ZFP1: variants seen among roughly 807,000 people sequenced by gnomAD.
ZFP1 encodes the protein ZFP1 zinc finger protein, also known as zinc finger protein 1 homolog.
ZFP1 carries 32 observed loss-of-function variants against 38.5 expected under a neutral mutation model. The observed-to-expected ratio is 0.83, with a 90% CI of 0.63 to 1.12. The LOEUF (loss-of-function observed/expected upper bound fraction) is 1.12, where lower values mean the gene tolerates loss of function less well. Ranked by LOEUF, ZFP1 falls within the 50% of genes most tolerant of loss-of-function variation. ZFP1 has a pLI of 0.00. For synonymous variants in ZFP1, 245 were observed against 168.8 expected (o/e 1.45, Z -3.50); for missense variants, 616 against 480.8 (o/e 1.28, Z -2.63).
intron 2 of ZFP1, among the ~76,000 whole-genome samples, chr16:75,156,892 A>C (rs184735542): frequency 9.8e-5 from 15 of 152,348 alleles, no homozygotes; most frequent in Admixed American, 4.6e-4. Context: ...ACAGTTAAGA[A>C]TCTGGGCCAG....
At chr16:75,149,324 C>A (rs942018420) in intron 1 of ZFP1, 4 of 152,022 alleles carry the variant, frequency 2.6e-5, no homozygotes, top group Non-Finnish European at 5.9e-5. Flanking sequence ...GTAGATTTTG[C>A]CATGTATACG....
intron 2 of ZFP1, among the ~76,000 whole-genome samples, chr16:75,154,628 A>T (rs929506183): frequency 2.0e-5 from 3 of 150,112 alleles, no homozygotes; most frequent in African/African-American, 7.4e-5. Context: ...ATAGGCAAGA[A>T]AGAAAAGAGA....
At chr16:75,123,455 GTATATATATATATATATATATATA>G in the ZFP1 span, among the ~76,000 whole-genome samples, 66 of 87,234 alleles carry the variant, frequency 7.6e-4, 2 homozygotes, top group Middle Eastern at 6.6e-3. Context: ...GTGTGTATAT[GTATATATATATATATATATATATA>G]TATATATATA....
In ZFP1 at chr16:75,170,507, G is replaced by C. The variant is rs1306913971; in HGVS notation, c.*173G>C. ...GAACATTATACTGGAAGTTACATGT[G>C]ATACCCAGCTAAAGAATACATATCA... On this transcript the variant is annotated 3_prime_UTR_variant, in exon 4 of 4. Coordinates refer to ENST00000570010, the MANE Select transcript of ZFP1 (RefSeq NM_153688.4). 4.2e-6 allele frequency: 4 copies of C among 943,624 alleles called. No individual in the cohort carries two copies. The African/African-American group carries it at 4.9e-5, about 12-fold the overall frequency. The allele number at this position is 943,624 out of a possible 1,614,324, so 58.5% of individuals were successfully genotyped here.
At chr16:75,144,295 A>G (rs2036920715), upstream of ZFP1, 1 of 152,198 alleles carries the variant, frequency 6.6e-6, no homozygotes, top group Admixed American at 6.6e-5. Context: ...TTTTACAAAA[A>G]TAGGATTACG....
chr16:75,123,410 T>C, the ZFP1 span, among the ~76,000 whole-genome samples: 1 of 136,270 alleles, frequency 7.3e-6, no homozygotes, highest in African/African-American at 2.7e-5. Context: ...AATGTTTTCC[T>C]ACAAATATAT....
the ZFP1 span, among the ~76,000 whole-genome samples, chr16:75,122,303 C>T: frequency 6.6e-6 from 1 of 152,274 alleles, no homozygotes; most frequent in East Asian, 1.9e-4. Flanking sequence ...AGCAGGAGTA[C>T]CAGCCGGAGT....
In ZFP1 at chr16:75,161,775, T is replaced by TATATATATATATA. The variant is rs59261786; in HGVS notation, c.16-4995_16-4994insATATATATATATA. Among the ~76,000 whole-genome samples the TATATATATATATA allele has an allele frequency of 3.7e-3, 23 of 6,244 alleles. 1 individual carries two copies. Among genetic ancestry groups the TATATATATATATA allele is most frequent in the Admixed American group, 5.7e-3 (2 of 352 alleles). The allele number at this position is 6,244 out of a possible 152,430, so 4.1% of individuals were successfully genotyped here. On this transcript the variant is annotated intron_variant, in intron 2 of 3. Transcript: ENST00000570010. The stretch of plus-strand genomic sequence containing the variant: ...TTTATGAAATATATATATATATATA[T>TATATATATATATA]TTTTTTTTTTTTTTTTTTTTTTTTT...
chr16:75,148,963 G>A (rs1340157771), intron 1 of ZFP1: 1 of 151,804 alleles, frequency 6.6e-6, no homozygotes, highest in Non-Finnish European at 1.5e-5. Flanking sequence ...CTGGAGCCCC[G>A]GCGGGCGCGC....
Position 75,171,224 on chromosome 16 carries a change from C to G in ZFP1, c.*890C>G, listed in dbSNP as rs987252714. On this transcript the variant is annotated 3_prime_UTR_variant, in exon 4 of 4. Coordinates refer to ENST00000570010, the MANE Select transcript of ZFP1 (RefSeq NM_153688.4). ...ACAGACAGAAACCACCTGTTTTTGT[C>G]TTTCCTTGTTTCCCTTAATATTTCA... 1 of 152,120 alleles carries G rather than the reference C, an allele frequency of 6.6e-6. No homozygotes were observed. The highest frequency in any genetic ancestry group is 1.5e-5 in the Non-Finnish European group (1 of 68,012). 9.4% of individuals were successfully genotyped at this position (152,120 alleles called of 1,614,324 possible).
chr16:75,169,012 G>C (rs1334728938), intron 3 of ZFP1, among the ~76,000 whole-genome samples: 2 of 152,036 alleles, frequency 1.3e-5, no homozygotes, highest in Non-Finnish European at 2.9e-5. Flanking sequence ...GTCATTTTGT[G>C]ATCTGGCAAT....
At chr16:75,150,651 A>G (rs915752770) in intron 1 of ZFP1, among the ~76,000 whole-genome samples, 1 of 149,550 alleles carries the variant, frequency 6.7e-6, no homozygotes, top group Admixed American at 6.6e-5. Flanking sequence ...GTTTTAGTAG[A>G]CTCCTGGTCT....
chr16:75,124,647 C>T, the ZFP1 span, among the ~76,000 whole-genome samples: 4 of 149,986 alleles, frequency 2.7e-5, no homozygotes, highest in African/African-American at 7.3e-5. Flanking sequence ...ATTAGCTGGA[C>T]GTGGCGGCAG....
In ZFP1 at chr16:75,166,769, G is replaced by T. The variant is rs778727390; in HGVS notation, c.16-1G>T. ...GGATGAATAACAATATGCCATTTCA[G>T]GGATCAGTTTCATTCACGGATGTGA... On this transcript the variant is annotated splice_acceptor_variant, in intron 2 of 3. Coordinates refer to ENST00000570010, the MANE Select transcript of ZFP1 (RefSeq NM_153688.4). LOFTEE classifies it high-confidence loss of function. 2.5e-6 allele frequency: 4 copies of T among 1,614,014 alleles called. No homozygotes were observed. The highest frequency in any genetic ancestry group is 3.4e-6 in the Non-Finnish European group (4 of 1,180,028).
the ZFP1 span, among the ~76,000 whole-genome samples, chr16:75,139,142 G>A: frequency 2.0e-5 from 3 of 152,022 alleles, no homozygotes; most frequent in Non-Finnish European, 4.4e-5. Flanking sequence ...GGCTGAGGTG[G>A]GCGGATCACG....
chr16:75,121,642 C>A, the ZFP1 span, among the ~76,000 whole-genome samples: 1 of 152,166 alleles, frequency 6.6e-6, no homozygotes, highest in African/African-American at 2.4e-5. Context: ...AGATGTACTT[C>A]TATCAGCATG....
chr16:75,165,808 T>C (rs2038045099), intron 2 of ZFP1, among the ~76,000 whole-genome samples: 1 of 152,144 alleles, frequency 6.6e-6, no homozygotes. Context: ...TTCTCAGCTG[T>C]TATCTCTTCA....
At chr16:75,148,291 C>G (rs1321409014), upstream of ZFP1, among the ~76,000 whole-genome samples, 1 of 152,124 alleles carries the variant, frequency 6.6e-6, no homozygotes, top group South Asian at 2.1e-4. Context: ...AATTGTAGTT[C>G]ACGACCCACT....
At chr16:75,153,796 T>C (rs1026287859) in intron 2 of ZFP1, among the ~76,000 whole-genome samples, 15 of 152,204 alleles carry the variant, frequency 9.9e-5, no homozygotes, top group Admixed American at 9.8e-4. Flanking sequence ...CACTATGGCA[T>C]CATACAGAAT....
Sources: allele counts gnomAD v4.1 joint callset (sites outside exome capture counted in the v4.1 genomes callset), GRCh38; gene constraint gnomAD v4.1.1; transcripts MANE v1.5; gene names NCBI Gene and HGNC (gene_info 2026-07-23, HGNC 2026-07-21).